Variants in CDKL5 observed in about 807,000 individuals in gnomAD.
The protein encoded by CDKL5 is cyclin dependent kinase like 5.
Under a neutral mutation model 61.7 loss-of-function variants are expected in CDKL5, and 8 were observed. The ratio of observed to expected loss-of-function variants is 0.13; its 90% CI spans 0.08 to 0.23. The LOEUF is 0.23. Among genes scored for constraint, CDKL5 ranks in the 10% least tolerant of loss-of-function variants. The pLI is 1.00. For synonymous variants in CDKL5, 275 were observed against 272.3 expected (o/e 1.01, Z -0.10); for missense variants, 440 against 734.5 (o/e 0.60, Z 4.63).
At chrX:18,559,507 G>A (rs919615260) in intron 3 of CDKL5, among the ~76,000 whole-genome samples, 19 of 111,082 alleles carry the variant, frequency 1.7e-4, no homozygotes, top group African/African-American at 4.9e-4. Flanking sequence ...GCACCTGGCC[G>A]TAAGGATGAG....
At position 18,629,749 on chromosome X, in the gene CDKL5, C is replaced by G. The variant is rs1927181411; in HGVS notation, c.*992C>G. Reference sequence around the variant, plus strand: ...TAGGCCAGTGAGAATTCCAGCAGGCCTGGTTTCCGTCCTCACACACTTGGC... The same window carrying G: ...TAGGCCAGTGAGAATTCCAGCAGGCGTGGTTTCCGTCCTCACACACTTGGC... On this transcript the variant is annotated 3_prime_UTR_variant, in exon 18 of 18. Transcript: ENST00000623535. The G allele has an allele frequency of 1.3e-6, 1 of 752,530 alleles. No individual in the cohort carries two copies. Among genetic ancestry groups the G allele is most frequent in the South Asian group, 6.8e-5 (1 of 14,673 alleles). The allele number at this position is 752,530 out of a possible 1,213,427, so 62.0% of individuals were successfully genotyped here. A position where few individuals can be genotyped will look rare whatever the true frequency, so the allele number is the denominator to read the frequency against.
chrX:18,453,394 T>A (rs1932067685), intron 1 of CDKL5, among the ~76,000 whole-genome samples: 1 of 111,717 alleles, frequency 9.0e-6, no homozygotes, highest in African/African-American at 3.3e-5. Context: ...TATCTCTTAG[T>A]GAGACCAGCA....
At chrX:18,615,045 C>G (rs1355512072) in intron 15 of CDKL5, among the ~76,000 whole-genome samples, 3 of 111,904 alleles carry the variant, frequency 2.7e-5, no homozygotes, top group African/African-American at 9.7e-5. Context: ...TGTACAGAAA[C>G]CTAAAAAGAG....
chrX:18,534,089 C>G (rs1923740493), intron 3 of CDKL5, among the ~76,000 whole-genome samples: 1 of 112,072 alleles, frequency 8.9e-6, no homozygotes, highest in Non-Finnish European at 1.9e-5. Flanking sequence ...CTGTTTCTTC[C>G]TTTGCCTACT....
intron 1 of CDKL5, among the ~76,000 whole-genome samples, chrX:18,451,836 G>A (rs1381056767): frequency 8.9e-6 from 1 of 112,067 alleles, no homozygotes; most frequent in African/African-American, 3.2e-5. Context: ...CACCATGCCC[G>A]GCCCCCTTTT....
At chrX:18,597,214 T>C (rs965137416) in intron 10 of CDKL5, among the ~76,000 whole-genome samples, 31 of 110,893 alleles carry the variant, frequency 2.8e-4, no homozygotes, top group African/African-American at 1.0e-3. Context: ...ATCATTCCTT[T>C]TGTTTTTTAG....
intron 10 of CDKL5, among the ~76,000 whole-genome samples, chrX:18,596,005 AT>A (rs200994068): frequency 2.7e-5 from 3 of 109,626 alleles, no homozygotes; most frequent in African/African-American, 1.0e-4. Flanking sequence ...ATTCAAGTTT[AT>A]TTTTTTTTCT....
intron 1 of CDKL5, among the ~76,000 whole-genome samples, chrX:18,496,337 T>A (rs770590080): frequency 8.9e-5 from 10 of 111,965 alleles, no homozygotes; most frequent in Non-Finnish European, 1.5e-4. Flanking sequence ...TGATTCGCAG[T>A]TGGTTGAAAG....
At chrX:18,619,812 C>T in intron 15 of CDKL5, 55 bp from the exon 16 acceptor site, 3 of 815,126 alleles carry the variant, frequency 3.7e-6, no homozygotes, top group Admixed American at 4.9e-5. Context: ...ATTTGTCACA[C>T]AATGGCAAGA....
At chrX:18,627,069 C>T (rs1299315157) in intron 17 of CDKL5, 2 of 110,644 alleles carry the variant, frequency 1.8e-5, no homozygotes, top group South Asian at 3.9e-4. Context: ...GGAGTCTCAT[C>T]GTGTTATACC....
chrX:18,599,055 A>G (rs753055957), intron 11 of CDKL5, among the ~76,000 whole-genome samples: 2 of 112,798 alleles, frequency 1.8e-5, no homozygotes, highest in South Asian at 7.3e-4. Context: ...GTCTGGCTCT[A>G]CAGAGAGGTC....
chrX:18,464,835 T>A (rs1311255988), intron 1 of CDKL5, among the ~76,000 whole-genome samples: 1 of 112,074 alleles, frequency 8.9e-6, no homozygotes, highest in African/African-American at 3.2e-5. Flanking sequence ...GTTGGTCTGC[T>A]TTTTGTTATC....
chrX:18,564,530 T>G lies in CDKL5; in HGVS notation c.145+8T>G, dbSNP rs757030306. 1.3e-5 allele frequency: 6 copies of G among 468,964 alleles called. No homozygotes were observed. The highest frequency in any genetic ancestry group is 6.7e-5 in the East Asian group (1 of 14,997). 38.6% of individuals were successfully genotyped at this position (468,964 alleles called of 1,213,427 possible). A position where few individuals can be genotyped will look rare whatever the true frequency, so the allele number is the denominator to read the frequency against. ...AATTCAAGGACAGTGAAGGTAGATA[T>G]ATATATATATATATATATATCTGTA... On this transcript the variant is annotated splice_region_variant and intron_variant, in intron 4 of 17. Coordinates refer to ENST00000623535, the MANE Select transcript of CDKL5 (RefSeq NM_001323289.2).
intron 1 of CDKL5, chrX:18,443,901 G>A (rs908026470): frequency 3.6e-5 from 4 of 111,918 alleles, no homozygotes; most frequent in African/African-American, 1.3e-4. Flanking sequence ...ACTGCACCTG[G>A]CCTAGTTTTA....
At chrX:18,467,754 A>C (rs964119025) in intron 1 of CDKL5, among the ~76,000 whole-genome samples, 22 of 112,254 alleles carry the variant, frequency 2.0e-4, no homozygotes, top group Non-Finnish European at 5.6e-5. Flanking sequence ...ATGAAGGACC[A>C]GCAAGAGACA....
At chrX:18,651,402 C>T (rs1373587687) in intron 21 of CDKL5, among the ~76,000 whole-genome samples, 1 of 110,842 alleles carries the variant, frequency 9.0e-6, no homozygotes, top group Non-Finnish European at 1.9e-5. Context: ...GCGCATTGCC[C>T]AAGAGAAGGA....
In CDKL5 at chrX:18,603,927, T is replaced by G; in HGVS notation, c.1003T>G (p.Leu335Val). The G allele has an allele frequency of 8.3e-7, 1 of 1,210,917 alleles. No homozygotes were observed. Among genetic ancestry groups the G allele is most frequent in the East Asian group, 3.0e-5 (1 of 33,835 alleles). Residue 335 changes from leucine to valine, a missense_variant, in exon 12 of 18, where the codon TTG becomes GTG. Physicochemically the swap from Leu to Val is conservative, Grantham distance 32 (BLOSUM62 1). Around this residue, in one of 2 missense-constraint regions of CDKL5, gnomAD observed 363 missense variants for 516.3 expected, o/e 0.70. Coordinates refer to ENST00000623535, the MANE Select transcript of CDKL5 (RefSeq NM_001323289.2). ...NRNQAGKSTA[L>V]QSHHRSNSKD... ...AAACCAAGCCGGCAAAAGTACTGCT[T>G]TGCAGTCTCACCACAGATCTAACAG... is the stretch of plus-strand genomic sequence containing the variant.
chrX:18,597,603 T>TC (rs1926042052), intron 10 of CDKL5, among the ~76,000 whole-genome samples: 1 of 98,879 alleles, frequency 1.0e-5, no homozygotes, highest in Non-Finnish European at 2.1e-5. Flanking sequence ...TTTTTTTTTT[T>TC]TTTTTTTTTT....
intron 1 of CDKL5, among the ~76,000 whole-genome samples, chrX:18,473,532 GTGTTTTGCC>G (rs1250190734): frequency 1.8e-5 from 2 of 109,428 alleles, no homozygotes; most frequent in Non-Finnish European, 3.8e-5. Flanking sequence ...TACATCTTGG[GTGTTTTGCC>G]TAAAAGGAGT....
Sources: allele counts gnomAD v4.1 joint callset (sites outside exome capture counted in the v4.1 genomes callset), GRCh38; gene constraint gnomAD v4.1.1; regional missense constraint gnomAD v4.1.1; transcripts MANE v1.5; gene names NCBI Gene and HGNC (gene_info 2026-07-23, HGNC 2026-07-21).